The following ARL15 variants were observed in gnomAD, a reference collection of about 807,000 sequenced individuals.
ARL15 encodes ADP-ribosylation factor-like protein 15.
A neutral mutation model predicts 25.2 loss-of-function variants in ARL15; 19 were observed. That is an observed-to-expected ratio of 0.75 (90% CI 0.53 to 1.10). The LOEUF (loss-of-function observed/expected upper bound fraction) is 1.10, where lower values mean the gene tolerates loss of function less well. Ranked by LOEUF, ARL15 falls within the 50% of genes least tolerant of loss-of-function variation. ARL15 has a pLI of 0.00. For synonymous variants in ARL15, 94 were observed against 86.8 expected (o/e 1.08, Z -0.46); for missense variants, 220 against 246.0 (o/e 0.89, Z 0.71).
intron 2 of ARL15, among the ~76,000 whole-genome samples, chr5:54,166,528 C>T (rs1754573067): frequency 6.6e-6 from 1 of 152,028 alleles, no homozygotes; most frequent in Non-Finnish European, 1.5e-5. Context: ...GTTTGGGGTT[C>T]AGTGAGCTTC....
chr5:54,173,506 C>A (rs1297846556), intron 1 of ARL15, among the ~76,000 whole-genome samples: 1 of 152,100 alleles, frequency 6.6e-6, no homozygotes, highest in African/African-American at 2.4e-5. Context: ...GGCTGTCATA[C>A]TCTCGTAAAT....
chr5:54,271,446 T>C (rs1030726036), intron 1 of ARL15, among the ~76,000 whole-genome samples: 5 of 152,344 alleles, frequency 3.3e-5, no homozygotes, highest in South Asian at 4.1e-4. Context: ...GAGTATCTGA[T>C]ACAATACAAA....
intron 1 of ARL15, among the ~76,000 whole-genome samples, chr5:54,217,642 G>C (rs1756247311): frequency 6.6e-6 from 1 of 152,082 alleles, no homozygotes; most frequent in South Asian, 2.1e-4. Flanking sequence ...TAGACCTGTA[G>C]GGGTAAAAAG....
intron 4 of ARL15, among the ~76,000 whole-genome samples, chr5:53,929,809 G>A (rs540774284): frequency 6.6e-6 from 1 of 152,118 alleles, no homozygotes; most frequent in East Asian, 1.9e-4. Context: ...CAATGGTGTG[G>A]CAGAATGCAA....
chr5:54,238,168 C>A (rs1756860691), intron 1 of ARL15, among the ~76,000 whole-genome samples: 1 of 152,018 alleles, frequency 6.6e-6, no homozygotes, highest in African/African-American at 2.4e-5. Context: ...AGTTAAAAAA[C>A]AAAATGGGAA....
intron 1 of ARL15, among the ~76,000 whole-genome samples, chr5:54,227,232 A>G (rs529534680): frequency 1.3e-5 from 2 of 152,124 alleles, no homozygotes; most frequent in African/African-American, 4.8e-5. Context: ...GTCTGAGCTC[A>G]CCTTCTCCCT....
chr5:54,203,210 G>A (rs182574281), intron 1 of ARL15, among the ~76,000 whole-genome samples: 6 of 152,160 alleles, frequency 3.9e-5, no homozygotes, highest in East Asian at 1.9e-4. Flanking sequence ...ATTTCTTGGT[G>A]TAAACCTCAG....
chr5:54,141,859 A>T (rs1168394422), intron 3 of ARL15, among the ~76,000 whole-genome samples: 1 of 152,158 alleles, frequency 6.6e-6, no homozygotes, highest in Non-Finnish European at 1.5e-5. Flanking sequence ...ACTCAGCATA[A>T]TTATTTTGAG....
chr5:54,112,221 C>T (rs1299326545), intron 4 of ARL15, among the ~76,000 whole-genome samples: 1 of 152,000 alleles, frequency 6.6e-6, no homozygotes, highest in African/African-American at 2.4e-5. Flanking sequence ...CCAAATTAAT[C>T]CTATTAACTT....
At chr5:54,171,566 T>C (rs1382056893) in intron 2 of ARL15, among the ~76,000 whole-genome samples, 3 of 152,236 alleles carry the variant, frequency 2.0e-5, no homozygotes. Flanking sequence ...ATTTATTCAG[T>C]GCCACTGAAA....
chr5:54,088,452 A>G (rs111421756), intron 4 of ARL15, among the ~76,000 whole-genome samples: 1 of 152,210 alleles, frequency 6.6e-6, no homozygotes, highest in African/African-American at 2.4e-5. Flanking sequence ...GTAAAAAAAA[A>G]TCATCTATTT....
At chr5:53,922,134 T>G (rs1745876367) in intron 4 of ARL15, among the ~76,000 whole-genome samples, 1 of 152,222 alleles carries the variant, frequency 6.6e-6, no homozygotes, top group East Asian at 1.9e-4. Flanking sequence ...TGGCAGCCAC[T>G]TGGTAATGAA....
At chr5:54,176,542 T>C (rs928515938) in intron 1 of ARL15, among the ~76,000 whole-genome samples, 2 of 152,200 alleles carry the variant, frequency 1.3e-5, no homozygotes, top group Admixed American at 6.5e-5. Context: ...CAGCAGCTCT[T>C]GCATTGTTAA....
rs182965217 is a variant in ARL15 at position 54,254,703 on chromosome 5, T to C, written c.48+55729A>G. 1.4e-4 allele frequency among the ~76,000 whole-genome samples: 22 copies of C among 152,354 alleles called. No homozygotes were observed. The East Asian group carries it at 4.0e-3, about 28-fold the overall frequency. Reference sequence around the variant, plus strand: ...CCTGAAGATGGAGACATAAGCACTGTTGTGTGTCCTTACACGAGTTACGTG... The same window carrying C: ...CCTGAAGATGGAGACATAAGCACTGCTGTGTGTCCTTACACGAGTTACGTG... On this transcript the variant is annotated intron_variant, in intron 1 of 4. Coordinates refer to ENST00000504924, the MANE Select transcript of ARL15 (RefSeq NM_019087.3).
At chr5:54,244,976 A>G (rs1409413256) in intron 1 of ARL15, among the ~76,000 whole-genome samples, 1 of 152,140 alleles carries the variant, frequency 6.6e-6, no homozygotes, top group African/African-American at 2.4e-5. Context: ...ATACTCTAAT[A>G]ATGATCCCAA....
intron 4 of ARL15, among the ~76,000 whole-genome samples, chr5:53,920,725 G>A (rs1228921067): frequency 6.6e-6 from 1 of 152,086 alleles, no homozygotes; most frequent in Admixed American, 6.6e-5. Context: ...AGGCACTGTG[G>A]TAAGTGCCTT....
At chr5:54,069,554 G>T (rs1369635819) in intron 4 of ARL15, among the ~76,000 whole-genome samples, 1 of 22,552 alleles carries the variant, frequency 4.4e-5, no homozygotes, top group Non-Finnish European at 7.5e-5. Flanking sequence ...ACAGCAAAAC[G>T]TCTCAAAAAA....
At chr5:53,940,385 T>C (rs1196219574) in intron 4 of ARL15, among the ~76,000 whole-genome samples, 1 of 152,230 alleles carries the variant, frequency 6.6e-6, no homozygotes, top group African/African-American at 2.4e-5. Context: ...AAAAACACCA[T>C]AACCTTTTGT....
At chr5:54,113,435 G>A (rs755313858) in intron 3 of ARL15, 25 bp from the exon 4 acceptor site, 37 of 1,601,706 alleles carry the variant, frequency 2.3e-5, no homozygotes, top group South Asian at 4.5e-5. Flanking sequence ...ACAAATTTTC[G>A]TTTTAAAAAG....
Sources: gnomAD v4.1 joint callset for allele counts (sites outside exome capture counted in the v4.1 genomes callset) on GRCh38, gnomAD v4.1.1 for gene constraint, MANE v1.5 for transcripts, NCBI Gene and HGNC (gene_info 2026-07-23, HGNC 2026-07-21) for gene names.